Variants in SYN3 observed in about 807,000 individuals in gnomAD.
SYN3 encodes the protein synapsin III, also known as synapsin-3.
A neutral mutation model predicts 65.8 loss-of-function variants in SYN3; 35 were observed. The ratio of observed to expected loss-of-function variants is 0.53; its 90% CI spans 0.41 to 0.70. SYN3 has a LOEUF of 0.70. Ranked by LOEUF, SYN3 falls within the 30% of genes least tolerant of loss-of-function variation. The pLI is 0.00. For synonymous variants in SYN3, 270 were observed against 292.9 expected (o/e 0.92, Z 0.80); for missense variants, 680 against 749.0 (o/e 0.91, Z 1.08).
chr22:32,662,586 C>T (rs2060230941), intron 6 of SYN3, among the ~76,000 whole-genome samples: 1 of 152,176 alleles, frequency 6.6e-6, no homozygotes, highest in South Asian at 2.1e-4. Flanking sequence ...AGTTACTGAC[C>T]TTTCCAAGTT....
At chr22:32,814,228 A>G (rs2047006719) in intron 6 of SYN3, among the ~76,000 whole-genome samples, 1 of 142,032 alleles carries the variant, frequency 7.0e-6, no homozygotes, top group Non-Finnish European at 1.5e-5. Flanking sequence ...GGAAAGAAAG[A>G]AAAAAAAAGA....
intron 6 of SYN3, among the ~76,000 whole-genome samples, chr22:32,766,305 G>T (rs904890810): frequency 6.6e-6 from 1 of 152,160 alleles, no homozygotes; most frequent in African/African-American, 2.4e-5. Context: ...ACCTAGAATA[G>T]AAGCTCCAGG....
intron 4 of SYN3, among the ~76,000 whole-genome samples, chr22:32,928,902 G>A (rs566859174): frequency 6.6e-6 from 1 of 151,892 alleles, no homozygotes; most frequent in South Asian, 2.1e-4. Context: ...TTTCATAAAC[G>A]CTTTTTCAGC....
intron 6 of SYN3, among the ~76,000 whole-genome samples, chr22:32,631,953 C>T (rs1728634634): frequency 1.3e-5 from 2 of 152,154 alleles, no homozygotes; most frequent in South Asian, 4.1e-4. Context: ...GAGGAATTTG[C>T]CTTTGGCTCT....
At chr22:32,810,665 C>T (rs1014053045) in intron 6 of SYN3, among the ~76,000 whole-genome samples, 7 of 152,154 alleles carry the variant, frequency 4.6e-5, no homozygotes, top group African/African-American at 1.7e-4. Flanking sequence ...GGCACAGGGC[C>T]GCCTGGCTGC....
At chr22:32,692,155 C>CAAAAAAAAAAAAAAAAAAAAAAAAGA (rs1188224009) in intron 6 of SYN3, among the ~76,000 whole-genome samples, 2 of 34,490 alleles carry the variant, frequency 5.8e-5, no homozygotes, top group Non-Finnish European at 8.7e-5. Flanking sequence ...GACAAAAAGA[C>CAAAAAAAAAAAAAAAAAAAAAAAAGA]AAAAAAAAAA....
intron 7 of SYN3, among the ~76,000 whole-genome samples, chr22:32,570,643 T>G (rs772015224): frequency 2.0e-5 from 3 of 152,074 alleles, no homozygotes; most frequent in Non-Finnish European, 4.4e-5. Flanking sequence ...AACTCTACCC[T>G]TATAGAAAAA....
In SYN3 at chr22:33,017,773, T is replaced by G. The variant is rs75441348; in HGVS notation, c.-162-10949A>C. On this transcript the variant is annotated intron_variant, in intron 1 of 13. Coordinates refer to ENST00000358763, the MANE Select transcript of SYN3 (RefSeq NM_003490.4). ...CGGTTCTAACAGGTTTTTTTTTTTTTGTAGAATCTTTAGGATTTTCTATAT... is the reference window on the plus strand; with the variant it reads ...CGGTTCTAACAGGTTTTTTTTTTTTGGTAGAATCTTTAGGATTTTCTATAT... Among the ~76,000 whole-genome samples, 331 of 150,598 alleles carry G rather than the reference T, an allele frequency of 2.2e-3. 2 individuals are homozygous for G. The highest frequency in any genetic ancestry group is 7.8e-3 in the African/African-American group (319 of 41,084).
intron 4 of SYN3, among the ~76,000 whole-genome samples, chr22:32,880,115 A>T (rs201901604): frequency 6.6e-6 from 1 of 151,886 alleles, no homozygotes; most frequent in Non-Finnish European, 1.5e-5. Flanking sequence ...CTCCCCTGTT[A>T]CATTCTGTCA....
In SYN3 at chr22:32,868,503, C is replaced by T. The variant is rs151203570; in HGVS notation, c.621+463G>A. Among the ~76,000 whole-genome samples the T allele has an allele frequency of 7.6e-3, 1,151 of 151,800 alleles. 2 individuals carry two copies. The highest frequency in any genetic ancestry group is 0.011 in the Non-Finnish European group (757 of 67,958). On this transcript the variant is annotated intron_variant, in intron 5 of 13. Transcript: ENST00000358763. Reference sequence around the variant, plus strand: ...TTGCCCAGGCTGGAGTGCAACGGCACGATCTCGGCTCACCACAACCTCCGC... The same window carrying T: ...TTGCCCAGGCTGGAGTGCAACGGCATGATCTCGGCTCACCACAACCTCCGC...
intron 6 of SYN3, among the ~76,000 whole-genome samples, chr22:32,607,665 C>T (rs150985075): frequency 3.9e-5 from 6 of 152,268 alleles, no homozygotes; most frequent in African/African-American, 1.4e-4. Flanking sequence ...ATCTGCCCTA[C>T]CAAAAAACAA....
chr22:32,677,183 G>A (rs1019662372), intron 6 of SYN3, among the ~76,000 whole-genome samples: 334 of 152,280 alleles, frequency 2.2e-3, no homozygotes, highest in Middle Eastern at 6.8e-3. Flanking sequence ...CCCTGAAAAT[G>A]CTCTAGCACC....
chr22:32,746,963 C>G (rs1245887208), intron 6 of SYN3, among the ~76,000 whole-genome samples: 1 of 152,136 alleles, frequency 6.6e-6, no homozygotes, highest in Non-Finnish European at 1.5e-5. Context: ...TGGGAGCCAA[C>G]TGAGATTCCA....
intron 6 of SYN3, 70 bp from the exon 7 acceptor site, chr22:32,596,806 G>A (rs1211480632): frequency 1.2e-5 from 17 of 1,477,032 alleles, no homozygotes; most frequent in Non-Finnish European, 1.5e-5. Flanking sequence ...GGTGCTGCTT[G>A]TTCCATAGAA....
chr22:32,520,972 AAC>A (rs1330292846), intron 12 of SYN3, among the ~76,000 whole-genome samples: 11 of 152,296 alleles, frequency 7.2e-5, no homozygotes, highest in African/African-American at 2.2e-4. Flanking sequence ...GAGCTTGTGG[AAC>A]ACTAAATTGG....
intron 1 of SYN3, among the ~76,000 whole-genome samples, chr22:33,047,871 A>G (rs1332430497): frequency 6.8e-6 from 1 of 147,498 alleles, no homozygotes; most frequent in African/African-American, 2.6e-5. Flanking sequence ...TGCAAAAAAA[A>G]AAAAAAAAAA....
chr22:32,869,747 G>C (rs2048800148), intron 4 of SYN3, among the ~76,000 whole-genome samples: 1 of 149,302 alleles, frequency 6.7e-6, no homozygotes, highest in African/African-American at 2.5e-5. Context: ...CAAGAGTAGG[G>C]ATTTGATGGC....
intron 6 of SYN3, among the ~76,000 whole-genome samples, chr22:32,673,094 C>T (rs923483067): frequency 6.6e-6 from 1 of 152,186 alleles, no homozygotes; most frequent in African/African-American, 2.4e-5. Flanking sequence ...AAACACAAAA[C>T]AATAACTCTT....
At chr22:32,727,188 T>A (rs1392427511) in intron 6 of SYN3, among the ~76,000 whole-genome samples, 1 of 152,126 alleles carries the variant, frequency 6.6e-6, no homozygotes, top group Non-Finnish European at 1.5e-5. Context: ...CCCCCATGTG[T>A]CCTTGTGTTC....
Sources: allele counts gnomAD v4.1 joint callset (sites outside exome capture counted in the v4.1 genomes callset), GRCh38; gene constraint gnomAD v4.1.1; transcripts MANE v1.5; gene names NCBI Gene and HGNC (gene_info 2026-07-23, HGNC 2026-07-21).